The following FCRL2 variants were observed in gnomAD, a reference collection of about 807,000 sequenced individuals.
FCRL2 encodes the protein Fc receptor-like protein 2.
A neutral mutation model predicts 59.8 loss-of-function variants in FCRL2; 48 were observed. The observed-to-expected ratio is 0.80, with a 90% CI of 0.64 to 1.02. The LOEUF is 1.02. Among genes scored for constraint, FCRL2 ranks in the 50% least tolerant of loss-of-function variants. The pLI is 0.00. For synonymous variants in FCRL2, 251 were observed against 229.5 expected, an observed-to-expected ratio of 1.09 and a Z score of -0.85; for missense variants, 658 against 597.3, an observed-to-expected ratio of 1.10 and a Z score of -1.06.
chr1:157,771,328 C>A (rs753330340), intron 2 of FCRL2, among the ~76,000 whole-genome samples: 1 of 152,154 alleles, frequency 6.6e-6, no homozygotes, highest in Non-Finnish European at 1.5e-5. Flanking sequence ...ATTTTTTCAT[C>A]CTCCATGCTG....
chr1:157,770,635 G>A lies in FCRL2; in HGVS notation c.84C>T (p.Val28=). The part of the protein sequence containing the change: ...DSLTLVAPSS[V]FEGDSIVLKC... ...TCAGAACGATGCTGTCTCCTTCGAA[G>A]ACAGAAGAGGGCGCCACAAGGGTCA... The change falls in exon 3 of 12, where the codon GTC becomes GTT. Residue 28 remains valine (V), a synonymous_variant. Coordinates refer to ENST00000361516, the MANE Select transcript of FCRL2 (RefSeq NM_030764.4). 6.2e-7 allele frequency: 1 copy of A among 1,614,116 alleles called. No individual in the cohort carries two copies. Among genetic ancestry groups the A allele is most frequent in the Non-Finnish European group, 8.5e-7 (1 of 1,180,002 alleles).
chr1:157,771,763 G>A (rs988773349), intron 2 of FCRL2, among the ~76,000 whole-genome samples: 1 of 152,122 alleles, frequency 6.6e-6, no homozygotes, highest in African/African-American at 2.4e-5. Flanking sequence ...TGACCACAAA[G>A]TAAGGAATTA....
At chr1:157,750,868 T>G (rs768917238) in intron 7 of FCRL2, among the ~76,000 whole-genome samples, 1 of 152,218 alleles carries the variant, frequency 6.6e-6, no homozygotes, top group Non-Finnish European at 1.5e-5. Flanking sequence ...TCTAAGCACT[T>G]TTGAATAATA....
chr1:157,774,515 T>C, intron 2 of FCRL2: 1 of 454,624 alleles, frequency 2.2e-6, no homozygotes. Flanking sequence ...GAGAAACTCT[T>C]GCTAAAGGAA....
chr1:157,770,795 T>C, intron 2 of FCRL2, 129 bp from the exon 3 acceptor site: 1 of 970,642 alleles, frequency 1.0e-6, no homozygotes, highest in Non-Finnish European at 1.5e-6. Context: ...AATCCATGCC[T>C]TAATTACTGA....
At chr1:157,756,796 G>T (rs969914267) in intron 7 of FCRL2, among the ~76,000 whole-genome samples, 4 of 152,102 alleles carry the variant, frequency 2.6e-5, no homozygotes, top group African/African-American at 7.2e-5. Context: ...TTGTGTGGTT[G>T]TGTGCTTGTA....
rs369605918 is a variant in FCRL2 at position 157,767,681 on chromosome 1, G to A, written c.884-172C>T. 1.4e-5 allele frequency: 22 copies of A among 1,576,114 alleles called. No homozygotes were observed. The East Asian group carries it at 2.5e-4, about 18-fold the overall frequency. On this transcript the variant is annotated intron_variant, in intron 5 of 11. Transcript: ENST00000361516. ...AATTTTCTCAACAATATATTTAGAC[G>A]TTTGAGGGGAATATCAGTTCTGGGT...
chr1:157,776,735 A>G (rs1650445330), intron 1 of FCRL2, among the ~76,000 whole-genome samples: 1 of 152,220 alleles, frequency 6.6e-6, no homozygotes, highest in Admixed American at 6.5e-5. Context: ...TGCTAATATT[A>G]TGAACATTTT....
chr1:157,747,376 T>A (rs942433198), intron 10 of FCRL2, among the ~76,000 whole-genome samples: 1 of 152,204 alleles, frequency 6.6e-6, no homozygotes, highest in Admixed American at 6.5e-5. Context: ...TTTCCCCTTT[T>A]TCCAGGTAGG....
At chr1:157,774,548 T>A (rs201183849) in intron 2 of FCRL2, 2 of 446,604 alleles carry the variant, frequency 4.5e-6, no homozygotes, top group African/African-American at 4.0e-5. Flanking sequence ...GAAGTGGCTG[T>A]TGCCCTGTTC....
intron 5 of FCRL2, chr1:157,767,916 A>C: frequency 2.8e-6 from 1 of 363,346 alleles, no homozygotes; most frequent in South Asian, 6.3e-5. Flanking sequence ...TATTCAGCCC[A>C]GTTCAGGACT....
intron 2 of FCRL2, among the ~76,000 whole-genome samples, chr1:157,774,008 A>T (rs1246000993): frequency 6.6e-6 from 1 of 152,240 alleles, no homozygotes; most frequent in East Asian, 1.9e-4. Context: ...AGGAGCACAA[A>T]GATTTAACTC....
Position 157,767,292 on chromosome 1 carries a change from G to A in FCRL2, c.1101C>T (p.Ser367=). ...SLTAEHSGNY[S]CEANNGLGAQ... ...CCCCCAGGCCGTTGTTGGCCTCACAGGAGTAGTTTCCAGAATGTTCTGCAG... is the reference window on the plus strand; with the variant it reads ...CCCCCAGGCCGTTGTTGGCCTCACAAGAGTAGTTTCCAGAATGTTCTGCAG... Residue 367 remains serine (S), a synonymous_variant, in exon 6 of 12, where the codon TCC becomes TCT. Transcript: ENST00000361516. 6.2e-7 allele frequency: 1 copy of A among 1,614,206 alleles called. No individual in the cohort carries two copies. The highest frequency in any genetic ancestry group is 1.7e-5 in the Admixed American group (1 of 60,030).
At chr1:157,774,605 C>A (rs1178437293) in intron 2 of FCRL2, 1 of 382,452 alleles carries the variant, frequency 2.6e-6, no homozygotes, top group African/African-American at 2.1e-5. Context: ...GCTGTCTTGG[C>A]ATGATTCCAC....
chr1:157,748,744 T>G (rs1647954613), intron 9 of FCRL2, 126 bp from the exon 10 acceptor site: 1 of 1,170,000 alleles, frequency 8.5e-7, no homozygotes, highest in African/African-American at 1.5e-5. Flanking sequence ...TCTGAGAGAG[T>G]CTGTTATTTA....
At position 157,746,874 on chromosome 1, in the gene FCRL2, G is replaced by A; in HGVS notation, c.1485C>T (p.Asn495=). ...SSANIRTLLE[N]KDSQVIYSSV... ...AATTCCAAGGTGTCTAGCTCACCTTGTTCTCCAGAAGTGTCCTGATGTTTG... is the reference window on the plus strand; with the variant it reads ...AATTCCAAGGTGTCTAGCTCACCTTATTCTCCAGAAGTGTCCTGATGTTTG... The change falls in exon 11 of 12, where the codon AAC becomes AAT. Residue 495 remains asparagine (N), a synonymous_variant. Transcript: ENST00000361516. 1 of 1,614,034 alleles carries A rather than the reference G, an allele frequency of 6.2e-7. No homozygotes were observed. The highest frequency in any genetic ancestry group is 8.5e-7 in the Non-Finnish European group (1 of 1,180,014).
At chr1:157,756,922 C>A (rs1648630536) in intron 7 of FCRL2, among the ~76,000 whole-genome samples, 1 of 152,120 alleles carries the variant, frequency 6.6e-6, no homozygotes, top group Non-Finnish European at 1.5e-5. Context: ...TAAATACATG[C>A]AATTTTTATC....
chr1:157,773,792 A>G (rs1650203624), intron 2 of FCRL2, among the ~76,000 whole-genome samples: 1 of 152,180 alleles, frequency 6.6e-6, no homozygotes, highest in Non-Finnish European at 1.5e-5. Flanking sequence ...GGGGAGGGCA[A>G]CAAGTCCCAA....
In FCRL2 at chr1:157,770,654, A is replaced by G. The variant is rs754669847; in HGVS notation, c.65T>C (p.Leu22Pro). Residue 22 changes from leucine to proline, a missense_variant, in exon 3 of 12, where the codon CTT becomes CCT. By Grantham distance (98) the Leu-to-Pro change is moderately conservative. Coordinates refer to ENST00000361516, the MANE Select transcript of FCRL2 (RefSeq NM_030764.4). The stretch of plus-strand genomic sequence containing the variant: ...TTCGAAGACAGAAGAGGGCGCCACA[A>G]GGGTCAGCGAATCTGGAAGAGAAGG... Reference protein sequence around the residue: ...AVTEQADSLTLVAPSSVFEGD... With the variant: ...AVTEQADSLTPVAPSSVFEGD... The G allele has an allele frequency of 2.5e-6, 4 of 1,614,036 alleles. No homozygotes were observed. The highest frequency in any genetic ancestry group is 1.3e-5 in the African/African-American group (1 of 75,026).
Sources: allele counts gnomAD v4.1 joint callset (sites outside exome capture counted in the v4.1 genomes callset), GRCh38; gene constraint gnomAD v4.1.1; transcripts MANE v1.5; gene names NCBI Gene and HGNC (gene_info 2026-07-23, HGNC 2026-07-21).